Variants in WDR90 observed in about 807,000 individuals in gnomAD.
WDR90 encodes the protein WD repeat-containing protein 90.
WDR90 carries 238 observed loss-of-function variants against 195.2 expected under a neutral mutation model. The ratio of observed to expected loss-of-function variants is 1.22; its 90% CI spans 1.10 to 1.36. The LOEUF (loss-of-function observed/expected upper bound fraction) is 1.36. Among genes scored for constraint, WDR90 ranks in the 40% most tolerant of loss-of-function variants. The pLI, the probability that WDR90 is intolerant of heterozygous loss-of-function variation, is 0.00. For missense variants in WDR90, 2,734 were observed against 2,439.5 expected, an observed-to-expected ratio of 1.12 and a Z score of -2.54; for synonymous variants, 1,265 against 1,052.4, an observed-to-expected ratio of 1.20 and a Z score of -3.91.
At chr16:652,890 G>A (rs909125867) in intron 10 of WDR90, among the ~76,000 whole-genome samples, 2 of 152,228 alleles carry the variant, frequency 1.3e-5, no homozygotes, top group Non-Finnish European at 2.9e-5. Context: ...CAACCTGTAG[G>A]TCCCTCATGG....
In WDR90 at chr16:660,211, C is replaced by G. The variant is rs185003760; in HGVS notation, c.3288+50C>G. Reference sequence around the variant, plus strand: ...TCTTTATCCCCAGCAAGCACAGAGGCCCCCCGCAGGGCTCCCCAGCACCTC... The same window carrying G: ...TCTTTATCCCCAGCAAGCACAGAGGGCCCCCGCAGGGCTCCCCAGCACCTC... On this transcript the variant is annotated intron_variant, in intron 27 of 40. Transcript: ENST00000293879. The G allele has an allele frequency of 7.8e-4, 1,118 of 1,427,858 alleles. 20 individuals carry two copies. In the South Asian group the frequency reaches 0.012, roughly 16 times the overall value. 88.4% of individuals were successfully genotyped at this position (1,427,858 alleles called of 1,614,324 possible).
chr16:658,293 G>A lies in WDR90; in HGVS notation c.2715G>A (p.Ser905=), dbSNP rs376123449. The A allele has an allele frequency of 8.7e-6, 14 of 1,612,514 alleles. No individual in the cohort carries two copies. In the East Asian group the frequency reaches 8.9e-5, roughly 10 times the overall value. ...TGGGCCACCTGCTGGTGTCCACCTCGTCCAACAGAGTCGTGGTGCTGGATG... is the reference window on the plus strand; with the variant it reads ...TGGGCCACCTGCTGGTGTCCACCTCATCCAACAGAGTCGTGGTGCTGGATG... ...AALGHLLVST[S]SNRVVVLDAV... Residue 905 remains serine (S), a synonymous_variant, in exon 22 of 41, where the codon TCG becomes TCA. Transcript: ENST00000293879.
At chr16:663,586 G>T (rs765337392) in intron 34 of WDR90, 55 of 171,716 alleles carry the variant, frequency 3.2e-4, no homozygotes, top group Non-Finnish European at 5.6e-4. Context: ...CTCTCTCTGG[G>T]TCAGGTCTGT....
In WDR90 at chr16:660,995, TCCCCGCCCCCCCCCCC is replaced by T. The variant is rs1336556363; in HGVS notation, c.3392-50_3392-35del. ...CCTGTTCGGCCCCTCCCCAGGCCCC[TCCCCGCCCCCCCCCCC>T]CCCCGGCCCGGCCTCAGGCCCCGCC... On this transcript the variant is annotated intron_variant, in intron 28 of 40. Coordinates refer to ENST00000293879, the MANE Select transcript of WDR90 (RefSeq NM_145294.5). 4.7e-3 allele frequency: 48 copies of T among 10,310 alleles called. 14 individuals are homozygous for T. The highest frequency in any genetic ancestry group is 0.042 in the Middle Eastern group (2 of 48). 0.6% of individuals were successfully genotyped at this position (10,310 alleles called of 1,614,324 possible). A position where few individuals can be genotyped will look rare whatever the true frequency, so the allele number is the denominator to read the frequency against.
Position 667,817 on chromosome 16 carries a change from G to A in WDR90, c.*228G>A. 1.5e-6 allele frequency: 1 copy of A among 672,214 alleles called. No homozygotes were observed. 41.6% of individuals were successfully genotyped at this position (672,214 alleles called of 1,614,324 possible). A position where few individuals can be genotyped will look rare whatever the true frequency, so the allele number is the denominator to read the frequency against. ...AATGTTTCTATCTTGTAATAAACAT[G>A]GGCATTTATTGCATTATTGCTGCAT... On this transcript the variant is annotated 3_prime_UTR_variant, in exon 41 of 41. Coordinates refer to ENST00000293879, the MANE Select transcript of WDR90 (RefSeq NM_145294.5).
rs901361116 is a variant in WDR90, at chr16:658,933, C to T, written c.2933C>T (p.Ala978Val). 3.7e-6 allele frequency: 6 copies of T among 1,612,608 alleles called. No individual in the cohort carries two copies. In the African/African-American group the frequency reaches 6.7e-5, roughly 18 times the overall value. ...IGHSEPVQAV[A>V]FSPDQQQVLS... is the part of the protein sequence containing the mutation. The stretch of plus-strand genomic sequence containing the variant: ...CACTCGGAACCCGTGCAGGCTGTGG[C>T]CTTCTCTCCTGACCAGCAGCAGGTC... Residue 978 changes from alanine (A) to valine (V), a missense_variant, in exon 24 of 41, where the codon GCC becomes GTC. Physicochemically the swap from Ala to Val is moderately conservative, Grantham distance 64. Coordinates refer to ENST00000293879, the MANE Select transcript of WDR90 (RefSeq NM_145294.5).
Position 656,362 on chromosome 16 carries a change from C to T in WDR90, c.2027C>T (p.Ala676Val). 6.2e-7 allele frequency: 1 copy of T among 1,609,582 alleles called. No individual in the cohort carries two copies. ...CCCGATGGCCTCCGTGTGCTGTCTG[C>T]CACCTCCTCGGGCCACCTGGGCTTC... The part of the protein sequence containing the change: ...VSPDGLRVLS[A>V]TSSGHLGFLD... The change falls in exon 18 of 41, where the codon GCC becomes GTC. Residue 676 changes from alanine to valine, a missense_variant. Ala to Val is a moderately conservative substitution (Grantham distance 64, BLOSUM62 0). Coordinates refer to ENST00000293879, the MANE Select transcript of WDR90 (RefSeq NM_145294.5).
rs749128338 is a variant in WDR90, at chr16:667,527, G to C, written c.5185G>C (p.Ala1729Pro). The change falls in exon 41 of 41, where the codon GCC (alanine) becomes CCC (proline). Residue 1729 changes from alanine to proline, a missense_variant. Coordinates refer to ENST00000293879, the MANE Select transcript of WDR90 (RefSeq NM_145294.5). The part of the protein sequence containing the change: ...AVHLCRFTPS[A>P]RLLFTAARNE... Reference sequence around the variant, plus strand: ...GCACCTGTGCAGGTTTACACCGTCCGCCAGGCTGCTCTTCACGGCCGCCCG... The same window carrying C: ...GCACCTGTGCAGGTTTACACCGTCCCCCAGGCTGCTCTTCACGGCCGCCCG... 3 of 1,612,238 alleles carry C rather than the reference G, an allele frequency of 1.9e-6. No homozygotes were observed. The highest frequency in any genetic ancestry group is 1.7e-5 in the Admixed American group (1 of 60,016).
intron 1 of WDR90, 99 bp from the exon 2 acceptor site, chr16:649,664 G>T (rs2151130568): frequency 3.1e-6 from 4 of 1,272,880 alleles, no homozygotes; most frequent in Non-Finnish European, 4.1e-6. Context: ...GGCGCGGAGA[G>T]CCCCGGCTCC....
chr16:653,348 G>A lies in WDR90; in HGVS notation c.1130G>A (p.Trp377Ter), dbSNP rs774204070. Residue 377 changes from tryptophan (W) to a stop codon, truncating the protein, a stop_gained, in exon 11 of 41, where the codon TGG becomes TAG. Transcript: ENST00000293879. LOFTEE classifies it high-confidence loss of function. ...CCCGCCCCCTTGTGCCAGGCCCTGT[G>A]GACCCCAGACGGGGCGGCTGTCGTG... Reference protein sequence around the residue: ...FGGHGTRQALWTPDGAAVVYP... With the variant: ...FGGHGTRQAL 15 of 1,557,060 alleles carry A rather than the reference G, an allele frequency of 9.6e-6. No individual in the cohort carries two copies. In the South Asian group the frequency reaches 1.7e-4, roughly 17 times the overall value.
intron 34 of WDR90, chr16:665,276 A>G (rs2037998703): frequency 2.5e-6 from 1 of 395,966 alleles, no homozygotes; most frequent in African/African-American, 2.2e-5. Context: ...CTCAGTCTGC[A>G]GCCTGCTAGG....
chr16:667,531 G>A lies in WDR90; in HGVS notation c.5189G>A (p.Arg1730Lys). ...CTGTGCAGGTTTACACCGTCCGCCAGGCTGCTCTTCACGGCCGCCCGCAAC... is the reference window on the plus strand; with the variant it reads ...CTGTGCAGGTTTACACCGTCCGCCAAGCTGCTCTTCACGGCCGCCCGCAAC... ...VHLCRFTPSA[R>K]LLFTAARNEI... Residue 1730 changes from arginine to lysine, a missense_variant, in exon 41 of 41, where the codon AGG (arginine) becomes AAG (lysine). By Grantham distance (26) the Arg-to-Lys change is conservative (BLOSUM62 2). Transcript: ENST00000293879. The A allele has an allele frequency of 6.2e-7, 1 of 1,612,260 alleles. No homozygotes were observed. Among genetic ancestry groups the A allele is most frequent in the Non-Finnish European group, 8.5e-7 (1 of 1,179,992 alleles).
Position 653,954 on chromosome 16 carries a change from T to G in WDR90, c.1437+151T>G, listed in dbSNP as rs999365345. On this transcript the variant is annotated intron_variant, in intron 13 of 40. Coordinates refer to ENST00000293879, the MANE Select transcript of WDR90 (RefSeq NM_145294.5). ...TGGTGGGGCTCCCTGCACTCTGGTG[T>G]TCATGCCGCCCCCGTGCCCTGCACA... is the stretch of plus-strand genomic sequence containing the variant. 8.3e-6 allele frequency: 8 copies of G among 960,720 alleles called. No homozygotes were observed. The African/African-American group carries it at 1.3e-4, about 16-fold the overall frequency. 59.5% of individuals were successfully genotyped at this position (960,720 alleles called of 1,614,324 possible). A position where few individuals can be genotyped will look rare whatever the true frequency, so the allele number is the denominator to read the frequency against.
rs775832427 is a variant in WDR90, at chr16:667,547, C to G, written c.5205C>G (p.Ala1735=). The G allele has an allele frequency of 6.2e-7, 1 of 1,611,400 alleles. No individual in the cohort carries two copies. Among genetic ancestry groups the G allele is most frequent in the East Asian group, 2.2e-5 (1 of 44,886 alleles). The part of the protein sequence containing the change: ...FTPSARLLFT[A]ARNEILVWEV... ...CGTCCGCCAGGCTGCTCTTCACGGC[C>G]GCCCGCAACGAGATCCTTGTGTGGG... The change falls in exon 41 of 41, where the codon GCC becomes GCG. Residue 1735 remains alanine (A), a synonymous_variant. Coordinates refer to ENST00000293879, the MANE Select transcript of WDR90 (RefSeq NM_145294.5).
rs1174700670 is a variant in WDR90, at chr16:657,793, C to T, written c.2505C>T (p.Ser835=). ...TGGTATGCCCGGATGCCCCCGCGAG[C>T]CCCAGCGCCCTGGCAGTCAGCAGGG... The part of the protein sequence containing the change: ...ADMVCPDAPA[S]PSALAVSRDG... Residue 835 remains serine (S), a synonymous_variant, in exon 21 of 41, where the codon AGC becomes AGT. Transcript: ENST00000293879. The T allele has an allele frequency of 1.3e-6, 2 of 1,553,280 alleles. No homozygotes were observed. The highest frequency in any genetic ancestry group is 4.8e-5 in the East Asian group (2 of 41,346).
In WDR90 at chr16:660,908, G is replaced by A. The variant is rs375163882; in HGVS notation, c.3392-143G>A. Reference sequence around the variant, plus strand: ...ACTTTGGCTACTGGACGCTGGGGAGGGCGCAGCTGGGACGATGCTAACCCC... The same window carrying A: ...ACTTTGGCTACTGGACGCTGGGGAGAGCGCAGCTGGGACGATGCTAACCCC... On this transcript the variant is annotated intron_variant, in intron 28 of 40. Transcript: ENST00000293879. The A allele has an allele frequency of 1.1e-4, 89 of 832,604 alleles. No individual in the cohort carries two copies. The East Asian group carries it at 2.3e-3, about 21-fold the overall frequency. 51.6% of individuals were successfully genotyped at this position (832,604 alleles called of 1,614,324 possible).
At chr16:660,013 G>A (rs975227634) in intron 26 of WDR90, 45 bp from the exon 27 acceptor site, 14 of 1,426,978 alleles carry the variant, frequency 9.8e-6, no homozygotes, top group Admixed American at 2.0e-5. Context: ...TCTCTGAAGA[G>A]CTCAGGGCAG....
Position 656,534 on chromosome 16 carries a change from G to T in WDR90, c.2199G>T (p.Gln733His). The change falls in exon 18 of 41, where the codon CAG becomes CAT. Residue 733 changes from glutamine to histidine, a missense_variant. Physicochemically the swap from Gln to His is conservative, Grantham distance 24 (BLOSUM62 0). Coordinates refer to ENST00000293879, the MANE Select transcript of WDR90 (RefSeq NM_145294.5). ...TVRIWDLATL[Q>H]QLYDFTSSED... ...GCATCTGGGACCTGGCCACCCTGCAGCAGGTGGGGTTTGGCAGGGGCAGCA... is the reference window on the plus strand; with the variant it reads ...GCATCTGGGACCTGGCCACCCTGCATCAGGTGGGGTTTGGCAGGGGCAGCA... The T allele has an allele frequency of 6.4e-7, 1 of 1,565,684 alleles. No homozygotes were observed. The highest frequency in any genetic ancestry group is 8.6e-7 in the Non-Finnish European group (1 of 1,157,194).
rs1359515007 is a variant in WDR90, at chr16:662,697, C to A, written c.4164C>A (p.His1388Gln). 6.4e-7 allele frequency: 1 copy of A among 1,558,724 alleles called. No homozygotes were observed. Among genetic ancestry groups the A allele is most frequent in the Non-Finnish European group, 8.7e-7 (1 of 1,148,228 alleles). ...GGTCCAGTTCTGTGTTCATGGAACA[C>A]GAGCTGGTGCTGGACGGGGCTGTGG... Reference protein sequence around the residue: ...GSGASSVFMEHELVLDGAVVS... With the variant: ...GSGASSVFMEQELVLDGAVVS... The change falls in exon 34 of 41, where the codon CAC becomes CAA. Residue 1388 changes from histidine (H) to glutamine (Q), a missense_variant. Physicochemically the swap from His to Gln is conservative, Grantham distance 24. Transcript: ENST00000293879.
Sources: gnomAD v4.1 joint callset for allele counts (sites outside exome capture counted in the v4.1 genomes callset) on GRCh38, gnomAD v4.1.1 for gene constraint, MANE v1.5 for transcripts, NCBI Gene and HGNC (gene_info 2026-07-23, HGNC 2026-07-21) for gene names.